CSGALNACT1: variants seen among roughly 807,000 people sequenced by gnomAD.
CSGALNACT1 encodes the protein beta4GalNAcT-1.
In CSGALNACT1, 52 loss-of-function variants were observed where a neutral mutation model predicts 51.0. That is an observed-to-expected ratio of 1.02 (90% CI 0.82 to 1.29). The LOEUF is 1.29. CSGALNACT1 is among the 50% of genes most tolerant of loss of function. CSGALNACT1 has a pLI of 0.00. For synonymous variants in CSGALNACT1, 341 were observed against 254.4 expected, an observed-to-expected ratio of 1.34 and a Z score of -3.24; for missense variants, 935 against 679.2, an observed-to-expected ratio of 1.38 and a Z score of -4.19.
chr8:19,666,805 A>AGAGAG (rs2059240737), intron 1 of CSGALNACT1, among the ~76,000 whole-genome samples: 1 of 21,102 alleles, frequency 4.7e-5, no homozygotes, highest in African/African-American at 3.3e-4. Context: ...GAAAGAAAGA[A>AGAGAG]AGAAAGAGAG....
intron 1 of CSGALNACT1, among the ~76,000 whole-genome samples, chr8:19,665,818 T>C (rs1016712540): frequency 3.9e-5 from 6 of 152,222 alleles, no homozygotes; most frequent in Non-Finnish European, 7.3e-5. Flanking sequence ...AAAAATGTGT[T>C]CTTCGCTACG....
chr8:19,706,203 T>C (rs2062154169), intron 1 of CSGALNACT1, among the ~76,000 whole-genome samples: 1 of 152,098 alleles, frequency 6.6e-6, no homozygotes, highest in Non-Finnish European at 1.5e-5. Flanking sequence ...CCTTCCCCAA[T>C]GTCATAGTTA....
chr8:19,714,336 T>C (rs1023512189), intron 1 of CSGALNACT1, among the ~76,000 whole-genome samples: 1 of 138,296 alleles, frequency 7.2e-6, no homozygotes, highest in Non-Finnish European at 1.6e-5. Context: ...CCTGGGTATG[T>C]TTTTTTTTTG....
chr8:19,684,560 G>A (rs1350473569), upstream of CSGALNACT1, among the ~76,000 whole-genome samples: 3 of 152,090 alleles, frequency 2.0e-5, no homozygotes, highest in Non-Finnish European at 4.4e-5. Context: ...GGGAACAGAT[G>A]CCTCCTCCCC....
intron 3 of CSGALNACT1, among the ~76,000 whole-genome samples, chr8:19,538,065 C>T (rs1044980595): frequency 2.6e-5 from 4 of 152,144 alleles, no homozygotes; most frequent in Non-Finnish European, 5.9e-5. Flanking sequence ...TACCTCTAAT[C>T]CCAGTGTTTT....
chr8:19,676,866 G>A (rs1336731747), intron 1 of CSGALNACT1, among the ~76,000 whole-genome samples: 1 of 152,142 alleles, frequency 6.6e-6, no homozygotes, highest in Non-Finnish European at 1.5e-5. Context: ...GAAGAAAGGA[G>A]TGAACCATCA....
At chr8:19,635,062 TGA>T (rs2055845648) in intron 1 of CSGALNACT1, among the ~76,000 whole-genome samples, 1 of 152,238 alleles carries the variant, frequency 6.6e-6, no homozygotes, top group Admixed American at 6.5e-5. Context: ...AATTTCTAAA[TGA>T]TTGTGTAATT....
chr8:19,514,475 C>CTATATATATATA (rs33928915), intron 3 of CSGALNACT1, among the ~76,000 whole-genome samples: 813 of 78,580 alleles, frequency 0.01, 63 homozygotes, highest in African/African-American at 0.02. Context: ...TGAACAGAGA[C>CTATATATATATA]TATATATATA....
chr8:19,619,259 G>T (rs2053502900), intron 1 of CSGALNACT1, among the ~76,000 whole-genome samples: 1 of 138,386 alleles, frequency 7.2e-6, no homozygotes, highest in Non-Finnish European at 1.6e-5. Context: ...GGGGGGGGGT[G>T]GGCCTTGAAA....
chr8:19,640,183 T>TC (rs1056492541), intron 1 of CSGALNACT1, among the ~76,000 whole-genome samples: 28 of 152,232 alleles, frequency 1.8e-4, no homozygotes, highest in African/African-American at 6.8e-4. Context: ...TATTAACATC[T>TC]CCCATCTCAA....
At chr8:19,534,962 C>T (rs2083459112) in intron 3 of CSGALNACT1, among the ~76,000 whole-genome samples, 1 of 152,106 alleles carries the variant, frequency 6.6e-6, no homozygotes, top group East Asian at 1.9e-4. Flanking sequence ...TGACCACTGC[C>T]GAAATATATG....
chr8:19,636,833 AT>A (rs1416270562), intron 1 of CSGALNACT1, among the ~76,000 whole-genome samples: 1 of 152,126 alleles, frequency 6.6e-6, no homozygotes, highest in African/African-American at 2.4e-5. Flanking sequence ...GTCAATCAAA[AT>A]CCTTGAGACA....
chr8:19,488,023 G>A (rs1428547335), intron 4 of CSGALNACT1, among the ~76,000 whole-genome samples: 3 of 152,068 alleles, frequency 2.0e-5, no homozygotes, highest in Admixed American at 2.0e-4. Flanking sequence ...ATACACTATG[G>A]GGGTTTGCAA....
At chr8:19,428,097 G>T (rs182021411) in intron 6 of CSGALNACT1, among the ~76,000 whole-genome samples, 1 of 152,120 alleles carries the variant, frequency 6.6e-6, no homozygotes, top group East Asian at 1.9e-4. Flanking sequence ...CATTGCATGT[G>T]CCATTTCTCC....
At chr8:19,620,259 T>C (rs796472519) in intron 1 of CSGALNACT1, among the ~76,000 whole-genome samples, 39 of 137,568 alleles carry the variant, frequency 2.8e-4, no homozygotes, top group African/African-American at 1.1e-3. Context: ...AGGTTGCAGT[T>C]AGCCAAGATT....
At chr8:19,520,448 C>G (rs2080429532) in intron 3 of CSGALNACT1, among the ~76,000 whole-genome samples, 1 of 152,238 alleles carries the variant, frequency 6.6e-6, no homozygotes, top group African/African-American at 2.4e-5. Context: ...AGTCCCTCTC[C>G]TGGAGTCCCT....
intron 6 of CSGALNACT1, among the ~76,000 whole-genome samples, chr8:19,437,165 T>G (rs2060509628): frequency 6.6e-6 from 1 of 151,920 alleles, no homozygotes; most frequent in African/African-American, 2.4e-5. Flanking sequence ...GTGAGTATAG[T>G]TGGAATTCAG....
At chr8:19,521,366 GAA>G (rs1470515352) in intron 3 of CSGALNACT1, among the ~76,000 whole-genome samples, 1 of 151,896 alleles carries the variant, frequency 6.6e-6, no homozygotes, top group Non-Finnish European at 1.5e-5. Context: ...TACATGAGGA[GAA>G]AAAAAAGCTA....
At chr8:19,631,173 T>C (rs1386649206) in intron 1 of CSGALNACT1, among the ~76,000 whole-genome samples, 1 of 152,208 alleles carries the variant, frequency 6.6e-6, no homozygotes, top group Non-Finnish European at 1.5e-5. Context: ...TTTCATGAGA[T>C]TTTTGTGTGC....
Sources: gnomAD v4.1 joint callset for allele counts (sites outside exome capture counted in the v4.1 genomes callset) on GRCh38, gnomAD v4.1.1 for gene constraint, MANE v1.5 for transcripts, NCBI Gene and HGNC (gene_info 2026-07-23, HGNC 2026-07-21) for gene names.